Variants in ACE observed in about 807,000 individuals in gnomAD.
ACE encodes the protein angiotensin-converting enzyme.
A neutral mutation model predicts 162.3 loss-of-function variants in ACE; 122 were observed. That is an observed-to-expected ratio of 0.75 (90% confidence interval 0.65 to 0.87). The LOEUF is 0.87. Ranked by LOEUF, ACE falls within the 40% of genes least tolerant of loss-of-function variation. The pLI is 0.00. For synonymous variants in ACE, 796 were observed against 720.6 expected (o/e 1.10, Z -1.68); for missense variants, 1,799 against 1,735.1 (o/e 1.04, Z -0.65).
At chr17:63,496,231 G>C (rs2030719283) in intron 22 of ACE, 163 bp from the exon 23 acceptor site, 1 of 1,005,218 alleles carries the variant, frequency 9.9e-7, no homozygotes, top group Non-Finnish European at 1.5e-6. Flanking sequence ...GCTGGGGTGG[G>C]GGAGCTCACC....
At chr17:63,483,756 C>G (rs2029861290) in intron 10 of ACE, 93 bp from the exon 11 acceptor site, 6 of 1,599,544 alleles carry the variant, frequency 3.8e-6, no homozygotes, top group Non-Finnish European at 5.1e-6. Flanking sequence ...CTGGTCCAGC[C>G]TCTGCCCTGC....
intron 1 of ACE, chr17:63,477,712 C>G (rs1001051825): frequency 3.3e-6 from 2 of 610,442 alleles, no homozygotes; most frequent in Middle Eastern, 8.9e-4. Context: ...GGCCTCTTTT[C>G]TGGTCCCAAT....
chr17:63,484,200 C>G lies in ACE; in HGVS notation c.1710-130C>G, dbSNP rs1213227286. The G allele has an allele frequency of 5.5e-6, 7 of 1,281,832 alleles. No homozygotes were observed. In the African/African-American group the frequency reaches 8.8e-5, roughly 16 times the overall value. The allele number at this position is 1,281,832 out of a possible 1,614,324, so 79.4% of individuals were successfully genotyped here. A position where few individuals can be genotyped will look rare whatever the true frequency, so the allele number is the denominator to read the frequency against. ...GCCACCATCAGAGAGATCCCAGGCC[C>G]CAGGGTCTTATTGCCACAGTTTCTG... On this transcript the variant is annotated intron_variant, in intron 11 of 24. Transcript: ENST00000290866. This position sits in a 1 kb window ranked among gnomAD's most constrained non-coding sequence, Gnocchi z 4.0.
In ACE at chr17:63,494,076, C is replaced by G; in HGVS notation, c.3281+10C>G. The G allele has an allele frequency of 6.2e-7, 1 of 1,613,864 alleles. No individual in the cohort carries two copies. Among genetic ancestry groups the G allele is most frequent in the Non-Finnish European group, 8.5e-7 (1 of 1,180,024 alleles). On this transcript the variant is annotated intron_variant, in intron 21 of 24. Coordinates refer to ENST00000290866, the MANE Select transcript of ACE (RefSeq NM_000789.4). ...AGTGGTGGAGCCTCAGGTTCTGGAACACTCCCACGGGATGCGGGCTGGGGG... is the reference window on the plus strand; with the variant it reads ...AGTGGTGGAGCCTCAGGTTCTGGAAGACTCCCACGGGATGCGGGCTGGGGG...
chr17:63,486,172 C>T (rs1370353781), intron 13 of ACE: 1 of 332,202 alleles, frequency 3.0e-6, no homozygotes, highest in African/African-American at 2.1e-5. Flanking sequence ...GTTGCCTCAT[C>T]TTTTTCTCAA....
rs760990165 is a variant in ACE at position 63,486,574 on chromosome 17, A to G, written c.2076A>G (p.Gln692=). 1.3e-5 allele frequency: 21 copies of G among 1,614,022 alleles called. No homozygotes were observed. The highest frequency in any genetic ancestry group is 1.7e-5 in the Non-Finnish European group (20 of 1,180,018). The stretch of plus-strand genomic sequence containing the variant: ...GCCCTCAGCTGCAGAAGAACATGCA[A>G]ATAGCCAACCACACCCTGAAGTACG... ...TSKILLQKNM[Q]IANHTLKYGT... is the part of the protein sequence containing the mutation. Residue 692 remains glutamine, a synonymous_variant, in exon 14 of 25, where the codon CAA becomes CAG. Transcript: ENST00000290866.
intron 5 of ACE, 134 bp downstream of exon 5, chr17:63,480,662 G>A (rs1017786203): frequency 5.6e-5 from 56 of 1,007,198 alleles, no homozygotes; most frequent in Non-Finnish European, 7.3e-5. Flanking sequence ...CATACTGTTT[G>A]CTTCACATGC....
intron 6 of ACE, 45 bp downstream of exon 6, chr17:63,481,233 G>A: frequency 2.8e-6 from 2 of 715,322 alleles, no homozygotes; most frequent in Non-Finnish European, 2.4e-6. Flanking sequence ...TCGGGGGTGG[G>A]GCGCAAAAAA....
At position 63,488,636 on chromosome 17, in the gene ACE, A is replaced by G; in HGVS notation, c.2306-12A>G. On this transcript the variant is annotated splice_polypyrimidine_tract_variant and intron_variant, in intron 15 of 24. Transcript: ENST00000290866. ...TAAGGGCTGGAGCTCAAGGCATTCAAACCCCTACCAGATCTGACGAATGTG... is the reference window on the plus strand; with the variant it reads ...TAAGGGCTGGAGCTCAAGGCATTCAGACCCCTACCAGATCTGACGAATGTG... The G allele has an allele frequency of 6.2e-7, 1 of 1,612,774 alleles. No individual in the cohort carries two copies. The highest frequency in any genetic ancestry group is 8.5e-7 in the Non-Finnish European group (1 of 1,179,708).
chr17:63,479,310 C>G (rs2049669795), intron 3 of ACE, among the ~76,000 whole-genome samples: 1 of 152,160 alleles, frequency 6.6e-6, no homozygotes, highest in African/African-American at 2.4e-5. Flanking sequence ...GCAGCCCCCA[C>G]TTCTGTGTGT....
rs150754995 is a variant in ACE, at chr17:63,481,170, C to T, written c.927C>T (p.Thr309=). 3 of 1,612,254 alleles carry T rather than the reference C, an allele frequency of 1.9e-6. No individual in the cohort carries two copies. The African/African-American group carries it at 4.0e-5, about 22-fold the overall frequency. The change falls in exon 6 of 25, where the codon ACC becomes ACT. Residue 309 remains threonine (T), a synonymous_variant. Coordinates refer to ENST00000290866, the MANE Select transcript of ACE (RefSeq NM_000789.4). ...CAGACAAGCCCAACCTCGATGTCACCAGTACTATGCTGCAGCAGGTAAGCT... is the reference window on the plus strand; with the variant it reads ...CAGACAAGCCCAACCTCGATGTCACTAGTACTATGCTGCAGCAGGTAAGCT... ...PFPDKPNLDV[T]STMLQQGWNA... is the part of the protein sequence containing the mutation.
Position 63,483,578 on chromosome 17 carries a change from A to AC in ACE, c.1586+23dup. ...CATCAGGTATTAGCGCCCCCACCCCACCCACCCCCAGTACTGTCACACCCT... is the reference window on the plus strand; with the variant it reads ...CATCAGGTATTAGCGCCCCCACCCCACCCCACCCCCAGTACTGTCACACCCT... On this transcript the variant is annotated intron_variant, in intron 10 of 24. Transcript: ENST00000290866. 1 of 800,412 alleles carries AC rather than the reference A, an allele frequency of 1.2e-6. No individual in the cohort carries two copies. Among genetic ancestry groups the AC allele is most frequent in the South Asian group, 1.9e-5 (1 of 52,860 alleles). The allele number at this position is 800,412 out of a possible 1,614,324, so 49.6% of individuals were successfully genotyped here.
At position 63,488,685 on chromosome 17, in the gene ACE, A is replaced by C; in HGVS notation, c.2343A>C (p.Glu781Asp). The C allele has an allele frequency of 6.2e-7, 1 of 1,613,488 alleles. No homozygotes were observed. Among genetic ancestry groups the C allele is most frequent in the Non-Finnish European group, 8.5e-7 (1 of 1,179,904 alleles). ...TNVMATSRKYEDLLWAWEGWR... is the reference protein window; with the variant it reads ...TNVMATSRKYDDLLWAWEGWR... The stretch of plus-strand genomic sequence containing the variant: ...TGATGGCCACGTCCCGGAAATATGA[A>C]GACCTGTTATGGGCATGGGAGGGCT... Residue 781 changes from glutamate (E) to aspartate (D), a missense_variant, in exon 16 of 25, where the codon GAA becomes GAC. Coordinates refer to ENST00000290866, the MANE Select transcript of ACE (RefSeq NM_000789.4).
rs2049643854 is a variant in ACE at position 63,477,839 on chromosome 17, C to T, written c.250-92C>T. On this transcript the variant is annotated intron_variant, in intron 1 of 24. Coordinates refer to ENST00000290866, the MANE Select transcript of ACE (RefSeq NM_000789.4). ...GGCCCGGGCTCTGGAAGCCCTTGGC[C>T]TTCCTCCCCTCCCCCAGCACCGTGG... 4.0e-6 allele frequency: 6 copies of T among 1,510,196 alleles called. No individual in the cohort carries two copies. The East Asian group carries it at 1.5e-4, about 37-fold the overall frequency. The allele number at this position is 1,510,196 out of a possible 1,614,324, so 93.5% of individuals were successfully genotyped here. A position where few individuals can be genotyped will look rare whatever the true frequency, so the allele number is the denominator to read the frequency against.
intron 14 of ACE, 80 bp from the exon 15 acceptor site, chr17:63,486,905 CA>C (rs2029985565): frequency 6.7e-7 from 1 of 1,491,468 alleles, no homozygotes; most frequent in African/African-American, 1.4e-5. Flanking sequence ...CCTGCCAGCC[CA>C]TGGGGCCTGG....
chr17:63,478,039 A>T lies in ACE; in HGVS notation c.358A>T (p.Ile120Phe), dbSNP rs762839851. 1.2e-6 allele frequency: 2 copies of T among 1,606,580 alleles called. No individual in the cohort carries two copies. The highest frequency in any genetic ancestry group is 8.5e-7 in the Non-Finnish European group (1 of 1,176,916). ...CTTCACGGACCCGCAGCTGCGCAGGATCATCGGAGCTGTGCGCACCCTGGG... is the reference window on the plus strand; with the variant it reads ...CTTCACGGACCCGCAGCTGCGCAGGTTCATCGGAGCTGTGCGCACCCTGGG... The part of the protein sequence containing the change: ...QNFTDPQLRR[I>F]IGAVRTLGSA... The change falls in exon 2 of 25, where the codon ATC becomes TTC. Residue 120 changes from isoleucine to phenylalanine, a missense_variant. By Grantham distance (21) the Ile-to-Phe change is conservative. Transcript: ENST00000290866.
chr17:63,477,563 C>T (rs903911203), intron 1 of ACE: 1 of 335,812 alleles, frequency 3.0e-6, no homozygotes, highest in Non-Finnish European at 4.9e-6. Flanking sequence ...TGGCTGCTCC[C>T]AGGCCGCGCC....
chr17:63,490,866 G>A (rs2147560150), intron 17 of ACE, 88 bp from the exon 18 acceptor site: 3 of 1,218,034 alleles, frequency 2.5e-6, no homozygotes, highest in Non-Finnish European at 3.7e-6. Context: ...GCAGGACTGG[G>A]ATCTGGAGCG....
intron 14 of ACE, 27 bp downstream of exon 14, chr17:63,486,742 A>G: frequency 6.2e-7 from 1 of 1,613,940 alleles, no homozygotes; most frequent in Admixed American, 1.7e-5. Context: ...GTACAGGGAG[A>G]GGGGAATCCT....
Sources: gnomAD v4.1 joint callset for allele counts (sites outside exome capture counted in the v4.1 genomes callset) on GRCh38, gnomAD v4.1.1 for gene constraint, Gnocchi (gnomAD v3.1) non-coding constraint, MANE v1.5 for transcripts, NCBI Gene and HGNC (gene_info 2026-07-23, HGNC 2026-07-21) for gene names.